Variants in FECH observed in about 807,000 individuals in gnomAD.
The protein encoded by FECH is ferrochelatase, also known as ferrochelatase, mitochondrial.
In FECH, 40 loss-of-function variants were observed where a neutral mutation model predicts 56.9. The observed-to-expected ratio is 0.70, with a 90% confidence interval of 0.55 to 0.92. The LOEUF (loss-of-function observed/expected upper bound fraction) is 0.92, where lower values mean the gene tolerates loss of function less well. Among genes scored for constraint, FECH ranks in the 40% least tolerant of loss-of-function variants. The probability of loss-of-function intolerance (pLI) is 0.00; values close to 1 mark genes in which losing one functional copy is unlikely to be tolerated. For synonymous variants in FECH, 175 were observed against 198.6 expected, an observed-to-expected ratio of 0.88 and a Z score of 1.00; for missense variants, 431 against 529.1, an observed-to-expected ratio of 0.81 and a Z score of 1.82.
At chr18:57,557,658 G>A (rs1183405164) in intron 7 of FECH, among the ~76,000 whole-genome samples, 1 of 152,126 alleles carries the variant, frequency 6.6e-6, no homozygotes, top group African/African-American at 2.4e-5. Flanking sequence ...TTAGCCAGGC[G>A]TGGTTGCGTG....
chr18:57,576,632 C>A (rs1476439219), intron 2 of FECH, among the ~76,000 whole-genome samples: 1 of 152,202 alleles, frequency 6.6e-6, no homozygotes, highest in East Asian at 1.9e-4. Context: ...AACACCTGAG[C>A]TCAGAACAAG....
At position 57,572,596 on chromosome 18, in the gene FECH, G is replaced by GGT. The variant is rs557867039; in HGVS notation, c.314+649_314+650insAC. Reference sequence around the variant, plus strand: ...ACATTTGTGTAACGAAGTGGGGGGGGGGGTGTGCATGTGTGTATGTATGTA... The same window carrying GGT: ...ACATTTGTGTAACGAAGTGGGGGGGGGTGGGTGTGCATGTGTGTATGTATGTA... On this transcript the variant is annotated intron_variant, in intron 3 of 10. Coordinates refer to ENST00000262093, the MANE Select transcript of FECH (RefSeq NM_000140.5). 6.0e-4 allele frequency among the ~76,000 whole-genome samples: 85 copies of GGT among 141,062 alleles called. 2 individuals carry two copies. Among genetic ancestry groups the GGT allele is most frequent in the Non-Finnish European group, 9.7e-4 (62 of 63,778 alleles). 92.5% of individuals were successfully genotyped at this position (141,062 alleles called of 152,430 possible).
intron 1 of FECH, among the ~76,000 whole-genome samples, chr18:57,584,756 A>C (rs2051340158): frequency 6.6e-6 from 1 of 151,426 alleles, no homozygotes; most frequent in Non-Finnish European, 1.5e-5. Context: ...TATGGAGCCA[A>C]AATGTTCTAA....
chr18:57,561,274 A>C (rs1466812474), intron 6 of FECH, among the ~76,000 whole-genome samples: 1 of 152,192 alleles, frequency 6.6e-6, no homozygotes, highest in Non-Finnish European at 1.5e-5. Flanking sequence ...CAGAATTTGT[A>C]GTTTTAAACT....
intron 7 of FECH, among the ~76,000 whole-genome samples, chr18:57,558,217 G>A (rs543012786): frequency 1.5e-4 from 23 of 152,334 alleles, no homozygotes; most frequent in Admixed American, 1.2e-3. Context: ...TAGAATGCTA[G>A]TTCTGAGCAG....
intron 7 of FECH, 28 bp from the exon 8 acceptor site, chr18:57,554,980 G>A: frequency 6.4e-7 from 1 of 1,568,856 alleles, no homozygotes; most frequent in African/African-American, 1.3e-5. Context: ...TGGGTGTTCA[G>A]CCATTAACAC....
In FECH at chr18:57,547,842, C is replaced by T. The variant is rs1261125682; in HGVS notation, c.*2870G>A. Among the ~76,000 whole-genome samples, 3 of 152,088 alleles carry T rather than the reference C, an allele frequency of 2.0e-5. No individual in the cohort carries two copies. The highest frequency in any genetic ancestry group is 4.4e-5 in the Non-Finnish European group (3 of 68,010). On this transcript the variant is annotated 3_prime_UTR_variant, in exon 11 of 11. Transcript: ENST00000262093. ...GTAGAGTCAGGGTCTCCCTATGTTG[C>T]CCAGGCTGGTCTTGAACTCTTGGGA...
At chr18:57,573,450 A>G in intron 2 of FECH, 85 bp from the exon 3 acceptor site, 1 of 1,477,708 alleles carries the variant, frequency 6.8e-7, no homozygotes, top group Non-Finnish European at 9.4e-7. Context: ...AGCAAACTCT[A>G]ATCTGTTCCA....
In FECH at chr18:57,546,742, C is replaced by T. The variant is rs75000026; in HGVS notation, c.*3970G>A. 6.6e-6 allele frequency among the ~76,000 whole-genome samples: 1 copy of T among 151,632 alleles called. No homozygotes were observed. The highest frequency in any genetic ancestry group is 2.4e-5 in the African/African-American group (1 of 41,256). On this transcript the variant is annotated 3_prime_UTR_variant, in exon 11 of 11. Transcript: ENST00000262093. ...TTCAGAGGCTGAGGCGGGTGGATCA[C>T]GAGGTCAGGAATTAGAGACCAGCCT...
At chr18:57,556,844 G>A (rs1384354403) in intron 7 of FECH, among the ~76,000 whole-genome samples, 1 of 149,354 alleles carries the variant, frequency 6.7e-6, no homozygotes, top group Non-Finnish European at 1.5e-5. Context: ...CTGGTAGGTC[G>A]AGGCTGCAGT....
At position 57,546,501 on chromosome 18, in the gene FECH, A is replaced by G. The variant is rs1019632302; in HGVS notation, c.*4211T>C. ...TGTGGGTAATAATAATATACTTTGGATAAGCACAATGGCATCACATTGAGC... is the reference window on the plus strand; with the variant it reads ...TGTGGGTAATAATAATATACTTTGGGTAAGCACAATGGCATCACATTGAGC... On this transcript the variant is annotated 3_prime_UTR_variant, in exon 11 of 11. Transcript: ENST00000262093. 5.3e-5 allele frequency among the ~76,000 whole-genome samples: 8 copies of G among 152,202 alleles called. No homozygotes were observed. The highest frequency in any genetic ancestry group is 1.7e-4 in the African/African-American group (7 of 41,454).
chr18:57,573,338 T>C lies in FECH; in HGVS notation c.222A>G (p.Leu74=), dbSNP rs1474980628. The C allele has an allele frequency of 6.2e-7, 1 of 1,614,018 alleles. No individual in the cohort carries two copies. The highest frequency in any genetic ancestry group is 8.5e-7 in the Non-Finnish European group (1 of 1,179,986). Residue 74 remains leucine, a synonymous_variant, in exon 3 of 11, where the codon CTA becomes CTG. Coordinates refer to ENST00000262093, the MANE Select transcript of FECH (RefSeq NM_000140.5). ...KRKPKTGILM[L]NMGGPETLGD... Reference sequence around the variant, plus strand: ...CAAGAGTTTCAGGGCCTCCCATGTTTAGCATTAATATTCCAGTTTTCGGCT... The same window carrying C: ...CAAGAGTTTCAGGGCCTCCCATGTTCAGCATTAATATTCCAGTTTTCGGCT...
intron 7 of FECH, among the ~76,000 whole-genome samples, chr18:57,555,881 C>A (rs2050861228): frequency 6.6e-6 from 1 of 152,220 alleles, no homozygotes; most frequent in South Asian, 2.1e-4. Context: ...GTAATCCCAG[C>A]ACTTTGGGAG....
chr18:57,576,086 T>C (rs1037377320), intron 2 of FECH, among the ~76,000 whole-genome samples: 1 of 152,160 alleles, frequency 6.6e-6, no homozygotes, highest in African/African-American at 2.4e-5. Flanking sequence ...CCCTGTGCAA[T>C]GCAGGAGCCT....
chr18:57,579,939 T>C (rs560901886), intron 2 of FECH, 134 bp downstream of exon 2: 1 of 1,212,070 alleles, frequency 8.3e-7, no homozygotes, highest in Non-Finnish European at 1.2e-6. Context: ...TTAACAGCTA[T>C]TGAAAGGAAG....
At chr18:57,567,764 G>A (rs2051037593) in intron 4 of FECH, 1 of 152,258 alleles carries the variant, frequency 6.6e-6, no homozygotes, top group Admixed American at 6.5e-5. Flanking sequence ...TTGACCCAGA[G>A]AGCTAAGAGC....
intron 6 of FECH, among the ~76,000 whole-genome samples, chr18:57,561,395 A>G (rs1401584386): frequency 6.6e-6 from 1 of 152,232 alleles, no homozygotes; most frequent in Non-Finnish European, 1.5e-5. Context: ...AAGTAAAAAC[A>G]CAAATCATAT....
At chr18:57,566,875 G>T (rs968904521) in intron 4 of FECH, among the ~76,000 whole-genome samples, 2 of 152,006 alleles carry the variant, frequency 1.3e-5, no homozygotes, top group South Asian at 2.1e-4. Flanking sequence ...TGGCATAAGA[G>T]AGCCTCAAGA....
rs764658724 is a variant in FECH, at chr18:57,579,279, G to GTA, written c.194+793_194+794insTA. ...AAAAAAGATATATATATATATGTGTGTGTGTATATATGTGTGTGTGTGTGT... is the reference window on the plus strand; with the variant it reads ...AAAAAAGATATATATATATATGTGTGTATGTGTATATATGTGTGTGTGTGTGT... On this transcript the variant is annotated intron_variant, in intron 2 of 10. Coordinates refer to ENST00000262093, the MANE Select transcript of FECH (RefSeq NM_000140.5). Among the ~76,000 whole-genome samples, 590 of 112,572 alleles carry GTA rather than the reference G, an allele frequency of 5.2e-3. 2 individuals are homozygous for GTA. Among genetic ancestry groups the GTA allele is most frequent in the Middle Eastern group, 0.016 (4 of 244 alleles). 73.9% of individuals were successfully genotyped at this position (112,572 alleles called of 152,430 possible).
Sources: gnomAD v4.1 joint callset for allele counts (sites outside exome capture counted in the v4.1 genomes callset) on GRCh38, gnomAD v4.1.1 for gene constraint, MANE v1.5 for transcripts, NCBI Gene and HGNC (gene_info 2026-07-23, HGNC 2026-07-21) for gene names.